Variants in RHBDD1 observed in about 807,000 individuals in gnomAD.
RHBDD1 encodes the protein rhomboid-related protein 4.
RHBDD1 carries 38 observed loss-of-function variants against 36.3 expected under a neutral mutation model. The observed-to-expected ratio is 1.05, with a 90% CI of 0.81 to 1.37. RHBDD1 has a LOEUF of 1.37. Ranked by LOEUF, RHBDD1 falls within the 40% of genes most tolerant of loss-of-function variation. RHBDD1 has a pLI of 0.00. For synonymous variants in RHBDD1, 151 were observed against 136.5 expected (o/e 1.11, Z -0.74); for missense variants, 393 against 377.6 (o/e 1.04, Z -0.34).
At chr2:226,954,775 G>A (rs749133920) in intron 8 of RHBDD1, among the ~76,000 whole-genome samples, 10 of 152,068 alleles carry the variant, frequency 6.6e-5, no homozygotes, top group Non-Finnish European at 1.5e-4. Flanking sequence ...CTAGGGAGGT[G>A]AAGGTTCACC....
intron 8 of RHBDD1, among the ~76,000 whole-genome samples, chr2:226,949,068 C>A (rs1040574078): frequency 6.6e-6 from 1 of 152,126 alleles, no homozygotes; most frequent in Non-Finnish European, 1.5e-5. Context: ...ATACAACTTA[C>A]AAGGGATGTG....
At chr2:226,922,971 A>G (rs1286192315) in intron 8 of RHBDD1, among the ~76,000 whole-genome samples, 2 of 152,144 alleles carry the variant, frequency 1.3e-5, no homozygotes, top group Non-Finnish European at 2.9e-5. Context: ...ATTTTATTAT[A>G]CTGTTTACGT....
At chr2:226,888,763 A>G (rs559438353) in intron 5 of RHBDD1, among the ~76,000 whole-genome samples, 1 of 152,300 alleles carries the variant, frequency 6.6e-6, no homozygotes, top group African/African-American at 2.4e-5. Context: ...CTTTTTTATC[A>G]TTATTGTTAT....
At chr2:226,843,029 T>C (rs566199006) in intron 3 of RHBDD1, among the ~76,000 whole-genome samples, 1 of 152,260 alleles carries the variant, frequency 6.6e-6, no homozygotes, top group African/African-American at 2.4e-5. Context: ...ATTCTTTTTG[T>C]AGCAGTTGTG....
chr2:226,836,781 G>C (rs1247340176), intron 1 of RHBDD1, among the ~76,000 whole-genome samples: 1 of 152,132 alleles, frequency 6.6e-6, no homozygotes, highest in Non-Finnish European at 1.5e-5. Context: ...TTTTCTCTTT[G>C]AAATTGCTTA....
At chr2:226,840,154 T>A (rs1017629855) in intron 3 of RHBDD1, among the ~76,000 whole-genome samples, 1 of 152,164 alleles carries the variant, frequency 6.6e-6, no homozygotes, top group African/African-American at 2.4e-5. Flanking sequence ...CAGCTGGAGC[T>A]TGGGGGAGGG....
intron 3 of RHBDD1, among the ~76,000 whole-genome samples, chr2:226,852,116 A>C (rs1483528134): frequency 6.6e-6 from 1 of 152,084 alleles, no homozygotes; most frequent in African/African-American, 2.4e-5. Context: ...TGCTTCTTGA[A>C]TTTTGTTGAA....
intron 8 of RHBDD1, among the ~76,000 whole-genome samples, chr2:226,960,040 G>T (rs1036751662): frequency 2.0e-5 from 3 of 152,082 alleles, no homozygotes; most frequent in Non-Finnish European, 4.4e-5. Context: ...AGCCAGAATG[G>T]TCTCAAACTC....
At chr2:226,857,322 C>T (rs1352033514) in intron 3 of RHBDD1, among the ~76,000 whole-genome samples, 2 of 151,872 alleles carry the variant, frequency 1.3e-5, no homozygotes, top group Non-Finnish European at 2.9e-5. Context: ...AACTGGAACC[C>T]CTGTACAGTG....
chr2:226,838,347 G>A (rs1941223229), intron 2 of RHBDD1, among the ~76,000 whole-genome samples, 193 bp downstream of exon 2: 1 of 152,118 alleles, frequency 6.6e-6, no homozygotes, highest in Admixed American at 6.5e-5. Flanking sequence ...TTTATTTTTC[G>A]AAGGCATTAA....
At chr2:226,926,003 A>T (rs894297724) in intron 8 of RHBDD1, among the ~76,000 whole-genome samples, 12 of 152,004 alleles carry the variant, frequency 7.9e-5, no homozygotes, top group Non-Finnish European at 1.2e-4. Flanking sequence ...GAGAAACTAG[A>T]ATTGTTTGGG....
At chr2:226,916,140 A>G (rs752710472) in intron 8 of RHBDD1, among the ~76,000 whole-genome samples, 2 of 152,152 alleles carry the variant, frequency 1.3e-5, no homozygotes, top group African/African-American at 4.8e-5. Context: ...TGTCAGTTCC[A>G]CTGTATTCTG....
intron 2 of RHBDD1, 95 bp downstream of exon 2, chr2:226,838,249 A>C (rs756496574): frequency 2.0e-5 from 3 of 152,252 alleles, no homozygotes; most frequent in Non-Finnish European, 4.4e-5. Flanking sequence ...GAGAGTTTTC[A>C]GATAAACATA....
chr2:226,903,506 T>C (rs567800168), intron 5 of RHBDD1, among the ~76,000 whole-genome samples: 97 of 152,262 alleles, frequency 6.4e-4, no homozygotes, highest in Non-Finnish European at 1.1e-3. Flanking sequence ...AGCCATCCAG[T>C]TGGGGGTCTG....
At chr2:226,802,837 G>T in the RHBDD1 span, among the ~76,000 whole-genome samples, 1 of 152,200 alleles carries the variant, frequency 6.6e-6, no homozygotes, top group African/African-American at 2.4e-5. Context: ...GGAGTTAAGG[G>T]TTTACATGCT....
chr2:226,877,089 G>A (rs989961261), intron 5 of RHBDD1, among the ~76,000 whole-genome samples: 4 of 152,124 alleles, frequency 2.6e-5, no homozygotes, highest in African/African-American at 7.2e-5. Flanking sequence ...GCTTTTTCAG[G>A]TAATCGTGGA....
chr2:226,832,355 T>C (rs766695774), upstream of RHBDD1, among the ~76,000 whole-genome samples: 17 of 152,264 alleles, frequency 1.1e-4, no homozygotes, highest in Non-Finnish European at 2.4e-4. Flanking sequence ...CTTTGTATGA[T>C]CCCAATTCTT....
chr2:226,835,879 C>T (rs1490446234), upstream of RHBDD1: 1 of 152,516 alleles, frequency 6.6e-6, no homozygotes, highest in Non-Finnish European at 1.5e-5. Context: ...GCCCTCGCGG[C>T]CCCCTTAGAG....
chr2:226,907,184 C>T (rs559400411), intron 6 of RHBDD1, among the ~76,000 whole-genome samples: 3 of 152,156 alleles, frequency 2.0e-5, no homozygotes, highest in Non-Finnish European at 4.4e-5. Flanking sequence ...ATGCAGAGAA[C>T]TAAAGTGCCT....
Sources: gnomAD v4.1 joint callset for allele counts (sites outside exome capture counted in the v4.1 genomes callset) on GRCh38, gnomAD v4.1.1 for gene constraint, MANE v1.5 for transcripts, NCBI Gene and HGNC (gene_info 2026-07-23, HGNC 2026-07-21) for gene names.